CSMD1: variants seen among roughly 807,000 people sequenced by gnomAD.
CSMD1 encodes the protein CUB and Sushi multiple domains 1, also known as CUB and sushi domain-containing protein 1.
In CSMD1, 213 loss-of-function variants were observed where a neutral mutation model predicts 417.5. The observed-to-expected ratio is 0.51, with a 90% CI of 0.46 to 0.57. The LOEUF (loss-of-function observed/expected upper bound fraction) is 0.57. CSMD1 is among the 20% of genes least tolerant of loss of function. The pLI, the probability that CSMD1 is intolerant of heterozygous loss-of-function variation, is 0.00. For missense variants in CSMD1, 6,923 were observed against 4,529.7 expected, an observed-to-expected ratio of 1.53 and a Z score of -15.17; for synonymous variants, 2,862 against 1,736.8, an observed-to-expected ratio of 1.65 and a Z score of -16.11.
chr8:3,726,171 C>A (rs1436709621), intron 6 of CSMD1, among the ~76,000 whole-genome samples: 3 of 152,258 alleles, frequency 2.0e-5, no homozygotes, highest in African/African-American at 7.2e-5. Context: ...CCAATCTCCA[C>A]ACGAATCAGC....
intron 7 of CSMD1, among the ~76,000 whole-genome samples, chr8:3,661,934 G>C (rs373483564): frequency 6.6e-6 from 1 of 152,202 alleles, no homozygotes; most frequent in Admixed American, 6.5e-5. Context: ...AGAGGAGTAA[G>C]ATTGAGGGAA....
At chr8:3,897,253 C>G (rs768349843) in intron 5 of CSMD1, among the ~76,000 whole-genome samples, 1 of 152,138 alleles carries the variant, frequency 6.6e-6, no homozygotes, top group Non-Finnish European at 1.5e-5. Flanking sequence ...ACAGAGACAA[C>G]GGTCATAGTG....
chr8:4,161,577 T>G (rs888290792), intron 3 of CSMD1, among the ~76,000 whole-genome samples: 6 of 152,178 alleles, frequency 3.9e-5, no homozygotes, highest in Admixed American at 3.3e-4. Flanking sequence ...ACAGAGTTCA[T>G]CAAGCGGTAC....
At position 3,737,913 on chromosome 8, in the gene CSMD1, G is replaced by T. The variant is rs534478580; in HGVS notation, c.931+16017C>A. Among the ~76,000 whole-genome samples the T allele has an allele frequency of 1.0e-3, 152 of 152,276 alleles. 1 individual carries two copies. The highest frequency in any genetic ancestry group is 6.8e-3 in the Middle Eastern group (2 of 294). ...AATTCCCTCAAACTCTGACTTGCTT[G>T]TGTTCTAAAGGTAGATAATTGTCAA... On this transcript the variant is annotated intron_variant, in intron 6 of 69. Transcript: ENST00000635120.
chr8:4,069,495 G>A (rs755452534), intron 3 of CSMD1, among the ~76,000 whole-genome samples: 1 of 152,140 alleles, frequency 6.6e-6, no homozygotes, highest in Non-Finnish European at 1.5e-5. Context: ...TAAATGTGCA[G>A]ACAGCCTGAC....
intron 2 of CSMD1, among the ~76,000 whole-genome samples, chr8:4,622,930 A>G (rs1464131796): frequency 2.6e-5 from 4 of 152,216 alleles, no homozygotes; most frequent in African/African-American, 9.6e-5. Flanking sequence ...ATACAGATTA[A>G]TATTTTAAAA....
intron 2 of CSMD1, among the ~76,000 whole-genome samples, chr8:4,573,068 C>G (rs576893233): frequency 6.6e-6 from 1 of 152,242 alleles, no homozygotes; most frequent in South Asian, 2.1e-4. Flanking sequence ...AGAAAACGCT[C>G]CTTTAGCTCA....
chr8:3,102,541 T>C (rs1815831503), intron 46 of CSMD1, among the ~76,000 whole-genome samples: 1 of 152,176 alleles, frequency 6.6e-6, no homozygotes, highest in South Asian at 2.1e-4. Context: ...TCATGTTGTG[T>C]TGATTTAGAC....
At chr8:3,930,584 C>G (rs1482269876) in intron 5 of CSMD1, among the ~76,000 whole-genome samples, 1 of 150,462 alleles carries the variant, frequency 6.6e-6, no homozygotes, top group East Asian at 2.0e-4. Flanking sequence ...AGGTCCCGTT[C>G]CAGCCAAAGG....
intron 12 of CSMD1, among the ~76,000 whole-genome samples, chr8:3,446,968 T>C (rs865887322): frequency 6.6e-6 from 1 of 152,156 alleles, no homozygotes; most frequent in South Asian, 2.1e-4. Flanking sequence ...TAGTGACTTG[T>C]TAACAAAGGA....
At chr8:2,951,028 A>G in intron 66 of CSMD1, 86 bp downstream of exon 66, 2 of 1,388,206 alleles carry the variant, frequency 1.4e-6, no homozygotes, top group Non-Finnish European at 2.0e-6. Context: ...ATAAGTACTT[A>G]ATACTTACTA....
At chr8:3,870,712 A>G (rs963009716) in intron 5 of CSMD1, among the ~76,000 whole-genome samples, 1 of 152,128 alleles carries the variant, frequency 6.6e-6, no homozygotes, top group Non-Finnish European at 1.5e-5. Flanking sequence ...ATATTCATTT[A>G]TATATTCTCC....
intron 8 of CSMD1, among the ~76,000 whole-genome samples, chr8:3,589,038 C>A (rs1442038846): frequency 6.6e-6 from 1 of 152,116 alleles, no homozygotes; most frequent in Non-Finnish European, 1.5e-5. Context: ...GATATCAACT[C>A]ACACCTGTTA....
intron 2 of CSMD1, among the ~76,000 whole-genome samples, chr8:4,606,857 G>A (rs996279324): frequency 1.3e-5 from 2 of 152,116 alleles, no homozygotes; most frequent in African/African-American, 4.8e-5. Context: ...TTTAATTAAA[G>A]TGAAATCACA....
At chr8:3,090,511 A>C (rs1814868851) in intron 48 of CSMD1, among the ~76,000 whole-genome samples, 1 of 152,208 alleles carries the variant, frequency 6.6e-6, no homozygotes, top group African/African-American at 2.4e-5. Flanking sequence ...CAAAATCTTG[A>C]TGCTTTTTAC....
chr8:3,347,867 C>T (rs11136608), intron 22 of CSMD1, 125 bp downstream of exon 22: 150,458 of 602,138 alleles, frequency 0.25, 20,513 homozygotes, highest in African/African-American at 0.36. Flanking sequence ...TAAATAAATA[C>T]AAATAAATCA....
chr8:3,948,199 G>A (rs139936255), intron 5 of CSMD1, among the ~76,000 whole-genome samples: 50 of 152,104 alleles, frequency 3.3e-4, no homozygotes, highest in Middle Eastern at 6.8e-3. Context: ...CCAAGACTCC[G>A]TCTAAATAAT....
intron 39 of CSMD1, among the ~76,000 whole-genome samples, chr8:3,153,560 C>A (rs956865572): frequency 2.0e-5 from 3 of 152,208 alleles, no homozygotes; most frequent in African/African-American, 4.8e-5. Flanking sequence ...AGGAAAACAA[C>A]AGAACCAGTA....
chr8:4,623,957 A>T (rs1801938236), intron 2 of CSMD1, among the ~76,000 whole-genome samples: 1 of 152,090 alleles, frequency 6.6e-6, no homozygotes, highest in Non-Finnish European at 1.5e-5. Context: ...ATCCAATTTA[A>T]AATTTTCAAT....
Sources: gnomAD v4.1 joint callset for allele counts (sites outside exome capture counted in the v4.1 genomes callset) on GRCh38, gnomAD v4.1.1 for gene constraint, MANE v1.5 for transcripts, NCBI Gene and HGNC (gene_info 2026-07-23, HGNC 2026-07-21) for gene names.